RALYL: variants seen among roughly 807,000 people sequenced by gnomAD.
RALYL encodes the protein RNA-binding Raly-like protein.
RALYL carries 29 observed loss-of-function variants against 35.1 expected under a neutral mutation model. The ratio of observed to expected loss-of-function variants is 0.83; its 90% CI spans 0.61 to 1.13. The LOEUF (loss-of-function observed/expected upper bound fraction) is 1.13, where lower values mean the gene tolerates loss of function less well. Among genes scored for constraint, RALYL ranks in the 50% most tolerant of loss-of-function variants. The pLI, the probability that RALYL is intolerant of heterozygous loss-of-function variation, is 0.00. For synonymous variants in RALYL, 120 were observed against 127.6 expected, an observed-to-expected ratio of 0.94 and a Z score of 0.40; for missense variants, 359 against 360.4, an observed-to-expected ratio of 1.00 and a Z score of 0.03.
At chr8:84,221,951 T>TTA (rs1822326961) in intron 1 of RALYL, among the ~76,000 whole-genome samples, 1 of 152,096 alleles carries the variant, frequency 6.6e-6, no homozygotes, top group Non-Finnish European at 1.5e-5. Flanking sequence ...TTTTGTGTAA[T>TTA]TATAATTTAT....
intron 1 of RALYL, among the ~76,000 whole-genome samples, chr8:84,507,072 A>T (rs1165785630): frequency 6.6e-6 from 1 of 152,044 alleles, no homozygotes; most frequent in Non-Finnish European, 1.5e-5. Flanking sequence ...GACCTGGTAA[A>T]TTGACAATAG....
At chr8:84,284,298 C>T (rs2132123681) in intron 1 of RALYL, among the ~76,000 whole-genome samples, 1 of 152,176 alleles carries the variant, frequency 6.6e-6, no homozygotes, top group Non-Finnish European at 1.5e-5. Context: ...TAGTTATTTT[C>T]AGAAAGTCAA....
intron 2 of RALYL, among the ~76,000 whole-genome samples, chr8:84,618,868 G>A (rs2131019043): frequency 9.7e-6 from 1 of 103,056 alleles, no homozygotes; most frequent in African/African-American, 4.0e-5. Flanking sequence ...AGTCATTCAG[G>A]AGCAGGTTGT....
At chr8:84,237,815 T>C (rs957929718) in intron 1 of RALYL, among the ~76,000 whole-genome samples, 1 of 152,160 alleles carries the variant, frequency 6.6e-6, no homozygotes. Context: ...ACATTTCAGA[T>C]TGAAAATTTA....
At chr8:84,466,115 C>A in intron 1 of RALYL, among the ~76,000 whole-genome samples, 1 of 99,956 alleles carries the variant, frequency 1.0e-5, no homozygotes, top group South Asian at 4.0e-4. Flanking sequence ...TCCTCTTTTC[C>A]TAATAGAATA....
intron 2 of RALYL, among the ~76,000 whole-genome samples, chr8:84,642,854 C>T (rs1826674923): frequency 6.8e-6 from 1 of 148,050 alleles, no homozygotes; most frequent in Non-Finnish European, 1.5e-5. Context: ...TCAGTACCCC[C>T]CACCATCCTA....
intron 2 of RALYL, among the ~76,000 whole-genome samples, chr8:84,691,351 G>T (rs1199060922): frequency 6.6e-6 from 1 of 151,984 alleles, no homozygotes; most frequent in Non-Finnish European, 1.5e-5. Flanking sequence ...AGAATCTAGG[G>T]CACTCTGGCC....
At chr8:84,894,867 G>T (rs1191571588) in intron 8 of RALYL, among the ~76,000 whole-genome samples, 5 of 152,152 alleles carry the variant, frequency 3.3e-5, no homozygotes, top group African/African-American at 9.7e-5. Flanking sequence ...AGGTTGGATG[G>T]CTTAACTGTT....
At chr8:84,217,248 G>A (rs1452992876) in intron 1 of RALYL, among the ~76,000 whole-genome samples, 1 of 152,006 alleles carries the variant, frequency 6.6e-6, no homozygotes, top group African/African-American at 2.4e-5. Context: ...AATTTGCTGT[G>A]TGAGTTTAGT....
chr8:84,268,450 C>T (rs1490448199), intron 1 of RALYL, among the ~76,000 whole-genome samples: 1 of 152,090 alleles, frequency 6.6e-6, no homozygotes, highest in East Asian at 1.9e-4. Context: ...ATAGAGTAAG[C>T]TCAGTCTAAA....
chr8:84,683,482 T>C (rs28573938), intron 2 of RALYL, among the ~76,000 whole-genome samples: 7,942 of 152,170 alleles, frequency 0.052, 464 homozygotes, highest in African/African-American at 0.14. Context: ...AGTCTAAGTC[T>C]ATTTGTAGGT....
intron 1 of RALYL, among the ~76,000 whole-genome samples, chr8:84,210,207 CAT>C (rs113195574): frequency 1.3e-5 from 2 of 151,630 alleles, no homozygotes; most frequent in Non-Finnish European, 2.9e-5. Flanking sequence ...AATAAATATG[CAT>C]ATATATATGT....
intron 1 of RALYL, among the ~76,000 whole-genome samples, chr8:84,372,348 C>A (rs941655395): frequency 1.3e-5 from 2 of 152,038 alleles, no homozygotes; most frequent in East Asian, 3.9e-4. Flanking sequence ...CAAAAGCGTT[C>A]TCCTAGCATT....
At chr8:84,437,025 C>T (rs986417924) in intron 1 of RALYL, among the ~76,000 whole-genome samples, 12 of 152,066 alleles carry the variant, frequency 7.9e-5, no homozygotes, top group African/African-American at 2.4e-4. Flanking sequence ...GCTCCCTCCT[C>T]CTTACCCCCT....
intron 2 of RALYL, among the ~76,000 whole-genome samples, chr8:84,717,865 A>G (rs1232621991): frequency 1.3e-5 from 2 of 152,176 alleles, no homozygotes; most frequent in African/African-American, 4.8e-5. Context: ...ACCTTGCTGT[A>G]GCCTTTTATG....
intron 2 of RALYL, among the ~76,000 whole-genome samples, chr8:84,677,796 G>T (rs149653467): frequency 1.3e-5 from 2 of 152,208 alleles, no homozygotes; most frequent in East Asian, 3.9e-4. Flanking sequence ...CTTTTTTTAT[G>T]ACATTTTCAA....
intron 1 of RALYL, among the ~76,000 whole-genome samples, chr8:84,483,746 AAAGC>A (rs1768415630): frequency 6.6e-6 from 1 of 152,178 alleles, no homozygotes; most frequent in African/African-American, 2.4e-5. Flanking sequence ...GTTCAGAGAC[AAAGC>A]ATGCTGAGTT....
At chr8:84,477,426 A>T (rs1245769243) in intron 1 of RALYL, among the ~76,000 whole-genome samples, 2 of 149,428 alleles carry the variant, frequency 1.3e-5, no homozygotes, top group Non-Finnish European at 3.0e-5. Flanking sequence ...TATAATGCTC[A>T]TTATTTCTGC....
chr8:84,310,545 T>C (rs1233324879), intron 1 of RALYL, among the ~76,000 whole-genome samples: 5 of 151,748 alleles, frequency 3.3e-5, no homozygotes, highest in Non-Finnish European at 5.9e-5. Context: ...CGAAAGGGAT[T>C]AAAGGCAGGA....
Sources: allele counts gnomAD v4.1 joint callset (sites outside exome capture counted in the v4.1 genomes callset), GRCh38; gene constraint gnomAD v4.1.1; transcripts MANE v1.5; gene names NCBI Gene and HGNC (gene_info 2026-07-23, HGNC 2026-07-21).